CTNNA3: variants seen among roughly 807,000 people sequenced by gnomAD.
CTNNA3 encodes catenin alpha 3.
A neutral mutation model predicts 95.7 loss-of-function variants in CTNNA3; 76 were observed. The ratio of observed to expected loss-of-function variants is 0.79; its 90% confidence interval spans 0.66 to 0.96. The LOEUF is 0.96. CTNNA3 is among the 40% of genes least tolerant of loss of function. The pLI is 0.00. For synonymous variants in CTNNA3, 431 were observed against 374.4 expected, an observed-to-expected ratio of 1.15 and a Z score of -1.74; for missense variants, 1,191 against 1,089.8, an observed-to-expected ratio of 1.09 and a Z score of -1.31.
At chr10:67,088,631 A>G (rs1335486579) in intron 7 of CTNNA3, among the ~76,000 whole-genome samples, 1 of 152,088 alleles carries the variant, frequency 6.6e-6, no homozygotes, top group Non-Finnish European at 1.5e-5. Flanking sequence ...TGATGCAAGG[A>G]GAACTGTGAC....
chr10:66,686,184 T>C (rs1461663419), intron 9 of CTNNA3, among the ~76,000 whole-genome samples: 1 of 152,188 alleles, frequency 6.6e-6, no homozygotes, highest in Non-Finnish European at 1.5e-5. Context: ...TTTTTCTATA[T>C]ATCTCAGCTC....
At chr10:66,179,502 C>A (rs527480842) in intron 13 of CTNNA3, among the ~76,000 whole-genome samples, 2 of 152,102 alleles carry the variant, frequency 1.3e-5, no homozygotes, top group East Asian at 3.9e-4. Context: ...TATCGCTTTG[C>A]AAGGTGTTAT....
chr10:66,016,649 G>GA (rs1176118941), intron 15 of CTNNA3, among the ~76,000 whole-genome samples: 3 of 151,732 alleles, frequency 2.0e-5, no homozygotes, highest in East Asian at 1.9e-4. Context: ...TCATTGATAG[G>GA]AAAAAAAATC....
At chr10:66,331,367 T>TGAGACGGAG (rs2092328270) in intron 12 of CTNNA3, among the ~76,000 whole-genome samples, 1 of 110,222 alleles carries the variant, frequency 9.1e-6, no homozygotes, top group African/African-American at 3.5e-5. Flanking sequence ...TTTTTTTTTT[T>TGAGACGGAG]TTTTGAGACG....
intron 5 of CTNNA3, among the ~76,000 whole-genome samples, chr10:67,310,767 C>T (rs982250950): frequency 2.0e-5 from 3 of 152,100 alleles, no homozygotes; most frequent in South Asian, 2.1e-4. Flanking sequence ...GGCACAAGAA[C>T]AGCATGAGGG....
At chr10:67,232,049 A>G (rs1865236755) in intron 5 of CTNNA3, among the ~76,000 whole-genome samples, 1 of 152,126 alleles carries the variant, frequency 6.6e-6, no homozygotes, top group African/African-American at 2.4e-5. Context: ...TGTACCTGAA[A>G]GTGACGGGGA....
chr10:65,997,316 A>T (rs1261153767), intron 15 of CTNNA3, among the ~76,000 whole-genome samples: 3 of 152,218 alleles, frequency 2.0e-5, no homozygotes, highest in Non-Finnish European at 4.4e-5. Flanking sequence ...AATAAGAAGT[A>T]CTGAAATGAC....
chr10:66,182,831 A>C (rs2086127213), intron 13 of CTNNA3, among the ~76,000 whole-genome samples: 1 of 152,188 alleles, frequency 6.6e-6, no homozygotes, highest in Non-Finnish European at 1.5e-5. Context: ...CATGGTCTAT[A>C]ATAATTTAAA....
chr10:67,482,780 A>G (rs1471235711), intron 5 of CTNNA3, among the ~76,000 whole-genome samples: 2 of 152,098 alleles, frequency 1.3e-5, no homozygotes, highest in Non-Finnish European at 2.9e-5. Context: ...AATTTCCAAC[A>G]CTATATTGAA....
At chr10:67,340,638 G>A (rs1842150564) in intron 5 of CTNNA3, among the ~76,000 whole-genome samples, 1 of 152,208 alleles carries the variant, frequency 6.6e-6, no homozygotes, top group Non-Finnish European at 1.5e-5. Context: ...AAGCCAATCA[G>A]GAAGTCTTCC....
intron 14 of CTNNA3, among the ~76,000 whole-genome samples, chr10:66,102,201 C>T (rs1564644710): frequency 6.6e-6 from 1 of 152,034 alleles, no homozygotes; most frequent in Non-Finnish European, 1.5e-5. Context: ...TTTTATGTCA[C>T]CGAATTTAAC....
intron 7 of CTNNA3, among the ~76,000 whole-genome samples, chr10:67,059,242 AAAAT>A (rs1484300265): frequency 6.6e-6 from 1 of 152,204 alleles, no homozygotes; most frequent in African/African-American, 2.4e-5. Context: ...CCATTTTCCA[AAAAT>A]AAATACATAG....
chr10:65,994,997 T>G (rs1450602620), intron 15 of CTNNA3, among the ~76,000 whole-genome samples: 1 of 152,106 alleles, frequency 6.6e-6, no homozygotes, highest in Non-Finnish European at 1.5e-5. Flanking sequence ...TCCAGAATTT[T>G]TGTTTCTTTT....
intron 2 of CTNNA3, among the ~76,000 whole-genome samples, chr10:67,617,066 ATT>A (rs1001320248): frequency 6.6e-6 from 1 of 152,184 alleles, no homozygotes; most frequent in African/African-American, 2.4e-5. Flanking sequence ...CATTACTATT[ATT>A]TAGAGGAAAT....
At chr10:67,488,392 G>A (rs1490039776) in intron 5 of CTNNA3, among the ~76,000 whole-genome samples, 6 of 152,002 alleles carry the variant, frequency 3.9e-5, no homozygotes, top group African/African-American at 1.2e-4. Context: ...TTTTTGAGAC[G>A]GAGTTTTGCT....
chr10:66,131,066 C>CAAA (rs571726484), intron 13 of CTNNA3, among the ~76,000 whole-genome samples: 5 of 113,764 alleles, frequency 4.4e-5, no homozygotes, highest in Non-Finnish European at 3.8e-5. Flanking sequence ...AATTGCCTAC[C>CAAA]AAAAAAAAAA....
intron 16 of CTNNA3, among the ~76,000 whole-genome samples, chr10:65,972,664 A>C (rs1285971958): frequency 6.6e-6 from 1 of 152,130 alleles, no homozygotes; most frequent in African/African-American, 2.4e-5. Context: ...TACAAGGAGA[A>C]CTATACAACA....
intron 11 of CTNNA3, among the ~76,000 whole-genome samples, chr10:66,411,827 A>C (rs1207462653): frequency 6.6e-6 from 1 of 152,178 alleles, no homozygotes; most frequent in African/African-American, 2.4e-5. Context: ...AACTATATGC[A>C]GAGTTCCTCC....
chr10:66,437,658 C>T (rs189130546), intron 11 of CTNNA3, among the ~76,000 whole-genome samples: 5 of 152,192 alleles, frequency 3.3e-5, no homozygotes, highest in Admixed American at 6.5e-5. Context: ...GCTTCTTTTG[C>T]TCAGAGGAGT....
Sources: gnomAD v4.1 joint callset for allele counts (sites outside exome capture counted in the v4.1 genomes callset) on GRCh38, gnomAD v4.1.1 for gene constraint, MANE v1.5 for transcripts, NCBI Gene and HGNC (gene_info 2026-07-23, HGNC 2026-07-21) for gene names.